KIRREL3: variants seen among roughly 807,000 people sequenced by gnomAD.
KIRREL3 encodes kirre like nephrin family adhesion molecule 3.
KIRREL3 carries 36 observed loss-of-function variants against 89.7 expected under a neutral mutation model. The observed-to-expected ratio is 0.40, with a 90% CI of 0.31 to 0.53. KIRREL3 has a LOEUF of 0.53. KIRREL3 is among the 20% of genes least tolerant of loss of function. KIRREL3 has a pLI of 0.49. For missense variants in KIRREL3, 864 were observed against 1,056.6 expected (o/e 0.82, Z 2.53); for synonymous variants, 445 against 441.4 (o/e 1.01, Z -0.10).
chr11:126,986,924 G>A (rs767259247), intron 1 of KIRREL3, among the ~76,000 whole-genome samples: 18 of 152,188 alleles, frequency 1.2e-4, no homozygotes, highest in South Asian at 2.1e-4. Flanking sequence ...AGCCTTGATG[G>A]CACCTGTGCT....
At position 126,739,751 on chromosome 11, in the gene KIRREL3, C is replaced by T. The variant is rs374048333; in HGVS notation, c.56-176839G>A. On this transcript the variant is annotated intron_variant, in intron 1 of 16. Coordinates refer to ENST00000525144, the MANE Select transcript of KIRREL3 (RefSeq NM_032531.4). This position sits in a 1 kb window ranked among gnomAD's most constrained non-coding sequence, Gnocchi z 5.5. ...TGATGGAAAACACCTAAAGGAGAAC[C>T]GTAGCCAACACTGCAAATCAGGCAG... is the stretch of plus-strand genomic sequence containing the variant. Among the ~76,000 whole-genome samples the T allele has an allele frequency of 7.9e-5, 12 of 152,126 alleles. No individual in the cohort carries two copies. The East Asian group carries it at 9.6e-4, about 12-fold the overall frequency.
intron 10 of KIRREL3, 60 bp from the exon 11 acceptor site, chr11:126,440,609 C>T: frequency 7.0e-7 from 1 of 1,429,080 alleles, no homozygotes; most frequent in South Asian, 1.2e-5. Flanking sequence ...CTGGCGCCCT[C>T]TTGGGTGGGT....
chr11:126,765,033 G>A (rs1949778462), intron 1 of KIRREL3, among the ~76,000 whole-genome samples: 1 of 152,170 alleles, frequency 6.6e-6, no homozygotes, highest in African/African-American at 2.4e-5. Flanking sequence ...AGAATACAAA[G>A]CAGGCAATCA....
chr11:126,917,489 TA>T lies in KIRREL3; in HGVS notation c.55+82965del, dbSNP rs113086373. 0.11 allele frequency among the ~76,000 whole-genome samples: 17,098 copies of T among 150,934 alleles called. 1,137 individuals are homozygous for T. The highest frequency in any genetic ancestry group is 0.2 in the African/African-American group (8,014 of 41,078). On this transcript the variant is annotated intron_variant, in intron 1 of 16. Coordinates refer to ENST00000525144, the MANE Select transcript of KIRREL3 (RefSeq NM_032531.4). This position sits in a 1 kb window ranked among gnomAD's most constrained non-coding sequence, Gnocchi z 5.0. ...ATATATTTTACCACAATAAAAAAAT[TA>T]AAAAAAAACAAGGAAAAACCTGCAA...
chr11:126,467,126 G>C (rs900889244), intron 5 of KIRREL3, among the ~76,000 whole-genome samples: 1 of 152,250 alleles, frequency 6.6e-6, no homozygotes, highest in Non-Finnish European at 1.5e-5. Context: ...GTATGTGCGC[G>C]TACCTGTTTT....
chr11:126,963,123 T>G (rs1266295781), intron 1 of KIRREL3, among the ~76,000 whole-genome samples: 1 of 152,190 alleles, frequency 6.6e-6, no homozygotes, highest in Non-Finnish European at 1.5e-5. Context: ...GAGGTATTCC[T>G]GTGTTTGGAA....
At chr11:126,532,282 A>G (rs1958966648) in intron 2 of KIRREL3, among the ~76,000 whole-genome samples, 1 of 152,210 alleles carries the variant, frequency 6.6e-6, no homozygotes, top group African/African-American at 2.4e-5. Flanking sequence ...AGGTTGTTGA[A>G]TCAAGGGTCT....
chr11:126,900,847 A>C lies in KIRREL3; in HGVS notation c.55+99608T>G, dbSNP rs1184967204. On this transcript the variant is annotated intron_variant, in intron 1 of 16. Transcript: ENST00000525144. This position sits in a 1 kb window ranked among gnomAD's most constrained non-coding sequence, Gnocchi z 4.4. ...ATTGTACTTATTTAAAGACATTTTC[A>C]AAACAGTTGCAAGTTAACTCAAGTA... Among the ~76,000 whole-genome samples the C allele has an allele frequency of 6.6e-6, 1 of 152,242 alleles. No homozygotes were observed. The highest frequency in any genetic ancestry group is 1.5e-5 in the Non-Finnish European group (1 of 68,044).
Position 126,459,327 on chromosome 11 carries a change from C to G in KIRREL3, c.743-2873G>C, listed in dbSNP as rs1956473371. Reference sequence around the variant, plus strand: ...ACCTTCCTGCTGCCCGATGCCTCATCACGCCCCTGCCATGATCAGCTCACT... The same window carrying G: ...ACCTTCCTGCTGCCCGATGCCTCATGACGCCCCTGCCATGATCAGCTCACT... On this transcript the variant is annotated intron_variant, in intron 6 of 16. Coordinates refer to ENST00000525144, the MANE Select transcript of KIRREL3 (RefSeq NM_032531.4). The surrounding 1 kb of genome is among the most constrained non-coding windows in gnomAD (Gnocchi z 4.8). Among the ~76,000 whole-genome samples the G allele has an allele frequency of 6.6e-6, 1 of 152,166 alleles. No individual in the cohort carries two copies. The highest frequency in any genetic ancestry group is 1.5e-5 in the Non-Finnish European group (1 of 68,036).
intron 5 of KIRREL3, 78 bp downstream of exon 5, chr11:126,473,231 T>A: frequency 2.4e-5 from 15 of 621,704 alleles, no homozygotes; most frequent in Non-Finnish European, 3.0e-5. Context: ...CCCCATCAAC[T>A]CCCTGTCCAC....
chr11:126,841,567 G>A (rs958935936), intron 1 of KIRREL3, among the ~76,000 whole-genome samples: 5 of 152,332 alleles, frequency 3.3e-5, no homozygotes, highest in African/African-American at 1.2e-4. Context: ...CCCAATGGAT[G>A]GCTGTGCCCT....
At chr11:126,699,798 T>C (rs1947241955) in intron 1 of KIRREL3, among the ~76,000 whole-genome samples, 1 of 152,220 alleles carries the variant, frequency 6.6e-6, no homozygotes, top group African/African-American at 2.4e-5. Context: ...ATTATTATTA[T>C]AGTTTAGGCC....
chr11:126,864,459 G>A (rs1447190412), intron 1 of KIRREL3, among the ~76,000 whole-genome samples: 1 of 152,238 alleles, frequency 6.6e-6, no homozygotes, highest in African/African-American at 2.4e-5. Flanking sequence ...CAGCCACATG[G>A]TAGAGGTGAG....
rs1957082229 is a variant in KIRREL3 at position 126,476,840 on chromosome 11, G to T, written c.434-3374C>A. Among the ~76,000 whole-genome samples the T allele has an allele frequency of 6.6e-6, 1 of 152,210 alleles. No homozygotes were observed. The highest frequency in any genetic ancestry group is 6.5e-5 in the Admixed American group (1 of 15,276). On this transcript the variant is annotated intron_variant, in intron 4 of 16. Transcript: ENST00000525144. The surrounding 1 kb of genome is among the most constrained non-coding windows in gnomAD (Gnocchi z 6.4). ...TGGCGAGGGGAGGAAGTTTCAGAGT[G>T]GTCCCCGCTTGGAGATGTATTATTC...
In KIRREL3 at chr11:126,519,152, G is replaced by A. The variant is rs1042168539; in HGVS notation, c.433+2163C>T. ...AAACCCAGCTCTGTGCCCAGAGGGC[G>A]GTGTCAGGCCATGCCACCGGAGAGG... is the stretch of plus-strand genomic sequence containing the variant. On this transcript the variant is annotated intron_variant, in intron 4 of 16. Coordinates refer to ENST00000525144, the MANE Select transcript of KIRREL3 (RefSeq NM_032531.4). This position sits in a 1 kb window ranked among gnomAD's most constrained non-coding sequence, Gnocchi z 4.3. Among the ~76,000 whole-genome samples, 24 of 152,212 alleles carry A rather than the reference G, an allele frequency of 1.6e-4. No individual in the cohort carries two copies. Among genetic ancestry groups the A allele is most frequent in the African/African-American group, 4.8e-4 (20 of 41,468 alleles).
At position 126,600,403 on chromosome 11, in the gene KIRREL3, C is replaced by T. The variant is rs1942600983; in HGVS notation, c.56-37491G>A. Reference sequence around the variant, plus strand: ...ACATATATTTAGAGGTAATAAATGTCTGTTGTCTTAAACTGCTAATTTTAA... The same window carrying T: ...ACATATATTTAGAGGTAATAAATGTTTGTTGTCTTAAACTGCTAATTTTAA... On this transcript the variant is annotated intron_variant, in intron 1 of 16. Transcript: ENST00000525144. Among the ~76,000 whole-genome samples, 5 of 152,304 alleles carry T rather than the reference C, an allele frequency of 3.3e-5. No homozygotes were observed. In the South Asian group the frequency reaches 1.0e-3, roughly 32 times the overall value.
chr11:126,450,518 T>C (rs890704114), intron 7 of KIRREL3, among the ~76,000 whole-genome samples: 6 of 150,834 alleles, frequency 4.0e-5, no homozygotes, highest in Non-Finnish European at 7.4e-5. Context: ...TGTGTGTGTG[T>C]GCATCTGCGT....
In KIRREL3 at chr11:126,525,198, T is replaced by A. The variant is rs1363494846; in HGVS notation, c.283+1340A>T. On this transcript the variant is annotated intron_variant, in intron 3 of 16. Transcript: ENST00000525144. The surrounding 1 kb of genome is among the most constrained non-coding windows in gnomAD (Gnocchi z 5.4). The stretch of plus-strand genomic sequence containing the variant: ...ACTGACCCAGCAAGACCCCAGTCCC[T>A]GACGGAAGTTGGAAACCCACTGACC... 6.6e-6 allele frequency among the ~76,000 whole-genome samples: 1 copy of A among 152,168 alleles called. No homozygotes were observed. Among genetic ancestry groups the A allele is most frequent in the Non-Finnish European group, 1.5e-5 (1 of 68,026 alleles).
rs74616162 is a variant in KIRREL3, at chr11:126,918,298, C to A, written c.55+82157G>T. ...AGTGAATTGCAAGTAAGCAAATAAA[C>A]ATGATTTAATAGTAGATGAGAAGAC... On this transcript the variant is annotated intron_variant, in intron 1 of 16. Transcript: ENST00000525144. This position sits in a 1 kb window ranked among gnomAD's most constrained non-coding sequence, Gnocchi z 6.5. Among the ~76,000 whole-genome samples, 2 of 152,326 alleles carry A rather than the reference C, an allele frequency of 1.3e-5. No homozygotes were observed. The highest frequency in any genetic ancestry group is 2.9e-5 in the Non-Finnish European group (2 of 68,028).
Sources: gnomAD v4.1 joint callset for allele counts (sites outside exome capture counted in the v4.1 genomes callset) on GRCh38, gnomAD v4.1.1 for gene constraint, Gnocchi (gnomAD v3.1) non-coding constraint, MANE v1.5 for transcripts, NCBI Gene and HGNC (gene_info 2026-07-23, HGNC 2026-07-21) for gene names.